The following KALRN variants were observed in gnomAD, a reference collection of about 807,000 sequenced individuals.
KALRN encodes the protein kalirin.
A neutral mutation model predicts 353.7 loss-of-function variants in KALRN; 70 were observed. The observed-to-expected ratio is 0.20, with a 90% CI of 0.16 to 0.24. KALRN has a LOEUF of 0.24. Among genes scored for constraint, KALRN ranks in the 10% least tolerant of loss-of-function variants. The pLI is 1.00. For synonymous variants in KALRN, 1,391 were observed against 1,434.8 expected (o/e 0.97, Z 0.69); for missense variants, 2,791 against 3,756.7 (o/e 0.74, Z 6.72).
chr3:124,654,527 T>C (rs933400017), intron 38 of KALRN, among the ~76,000 whole-genome samples: 8 of 152,176 alleles, frequency 5.3e-5, no homozygotes, highest in Non-Finnish European at 8.8e-5. Context: ...TCCAATCAGA[T>C]TGGAAGAGTT....
At chr3:124,036,125 T>A (rs1194273591) in intron 1 of KALRN, among the ~76,000 whole-genome samples, 1 of 152,222 alleles carries the variant, frequency 6.6e-6, no homozygotes, top group Non-Finnish European at 1.5e-5. Flanking sequence ...ATAAACTGTG[T>A]GTCACAGGGG....
rs1278233799 is a variant in KALRN at position 124,696,330 on chromosome 3, G to A, written c.7699+75G>A. On this transcript the variant is annotated intron_variant, in intron 54 of 59. Coordinates refer to ENST00000682506, the MANE Select transcript of KALRN (RefSeq NM_001388419.1). ...GACAGGTTCTTGCTCTGCTGCCCAG[G>A]CATGATCTCTGTTCATGGCAGCCTT... The A allele has an allele frequency of 1.4e-6, 2 of 1,434,114 alleles. 1 individual carries two copies. The highest frequency in any genetic ancestry group is 2.6e-5 in the South Asian group (2 of 77,762). 88.8% of individuals were successfully genotyped at this position (1,434,114 alleles called of 1,614,324 possible). A position where few individuals can be genotyped will look rare whatever the true frequency, so the allele number is the denominator to read the frequency against.
chr3:124,654,975 G>A (rs2083847484), intron 38 of KALRN, among the ~76,000 whole-genome samples: 1 of 152,208 alleles, frequency 6.6e-6, no homozygotes, highest in African/African-American at 2.4e-5. Flanking sequence ...AGAAGGTAGT[G>A]CTGCATTAAA....
At chr3:124,667,453 C>T (rs1441905025) in intron 47 of KALRN, among the ~76,000 whole-genome samples, 1 of 152,218 alleles carries the variant, frequency 6.6e-6, no homozygotes, top group Non-Finnish European at 1.5e-5. Flanking sequence ...ATCACTACCA[C>T]CTGGTACTAA....
chr3:124,400,008 A>G (rs2090660123), intron 13 of KALRN, among the ~76,000 whole-genome samples: 1 of 152,152 alleles, frequency 6.6e-6, no homozygotes, highest in Non-Finnish European at 1.5e-5. Context: ...GGGAAAAGCC[A>G]ACTTTCCACC....
intron 1 of KALRN, among the ~76,000 whole-genome samples, chr3:124,097,358 T>G (rs2061521873): frequency 6.6e-6 from 1 of 152,258 alleles, no homozygotes; most frequent in Admixed American, 6.5e-5. Context: ...TGATCTTTCT[T>G]AAGTGTAACA....
chr3:124,643,802 T>C (rs1302287527), intron 37 of KALRN, among the ~76,000 whole-genome samples: 2 of 152,200 alleles, frequency 1.3e-5, no homozygotes, highest in Non-Finnish European at 2.9e-5. Context: ...ATTGTGTATA[T>C]TTGAGGTTTA....
chr3:124,477,548 A>C (rs1291288452), intron 27 of KALRN, among the ~76,000 whole-genome samples: 1 of 152,226 alleles, frequency 6.6e-6, no homozygotes, highest in Admixed American at 6.5e-5. Context: ...GTACGAGGCA[A>C]ATTTGTCTCC....
intron 33 of KALRN, among the ~76,000 whole-genome samples, chr3:124,540,664 G>A (rs2068938389): frequency 6.6e-6 from 1 of 152,198 alleles, no homozygotes; most frequent in South Asian, 2.1e-4. Context: ...ACAGAGCTGG[G>A]AATCATATCC....
intron 14 of KALRN, 103 bp downstream of exon 14, chr3:124,413,768 A>T (rs1455263439): frequency 1.1e-6 from 1 of 923,252 alleles, no homozygotes; most frequent in Non-Finnish European, 1.6e-6. Context: ...TTTTATTCCT[A>T]CAGATACAAA....
chr3:124,681,161 G>A (rs943465478), intron 51 of KALRN, among the ~76,000 whole-genome samples: 1 of 152,158 alleles, frequency 6.6e-6, no homozygotes, highest in African/African-American at 2.4e-5. Flanking sequence ...CACTCTGTAG[G>A]AAGAAATGGG....
chr3:124,375,506 G>A (rs1576413967), intron 10 of KALRN, among the ~76,000 whole-genome samples: 2 of 152,178 alleles, frequency 1.3e-5, no homozygotes, highest in East Asian at 3.8e-4. Context: ...GGGCTAGGTG[G>A]GGAGAGGTCA....
At chr3:124,049,479 G>A (rs1206600362) in intron 1 of KALRN, among the ~76,000 whole-genome samples, 1 of 152,172 alleles carries the variant, frequency 6.6e-6, no homozygotes, top group Non-Finnish European at 1.5e-5. Flanking sequence ...AAAGTGAGAT[G>A]ATAGAAAGAA....
intron 16 of KALRN, among the ~76,000 whole-genome samples, chr3:124,433,574 G>A (rs1418895343): frequency 6.8e-6 from 1 of 147,116 alleles, no homozygotes; most frequent in Non-Finnish European, 1.5e-5. Context: ...CTTCAGCCTC[G>A]GTGATAGATC....
intron 37 of KALRN, among the ~76,000 whole-genome samples, chr3:124,643,742 C>A (rs1391007234): frequency 6.6e-6 from 1 of 152,178 alleles, no homozygotes; most frequent in Non-Finnish European, 1.5e-5. Context: ...CCCACTTCAG[C>A]CTCCCAAAGT....
At chr3:124,073,823 A>G (rs2060134082) in intron 1 of KALRN, among the ~76,000 whole-genome samples, 1 of 152,140 alleles carries the variant, frequency 6.6e-6, no homozygotes, top group Non-Finnish European at 1.5e-5. Flanking sequence ...GGACATAGCT[A>G]CTATAATTTA....
Position 124,697,669 on chromosome 3 carries a change from C to A in KALRN, c.7776C>A (p.Pro2592=), listed in dbSNP as rs745778157. The change falls in exon 55 of 60, where the codon CCC becomes CCA. Residue 2592 remains proline, a synonymous_variant. Coordinates refer to ENST00000682506, the MANE Select transcript of KALRN (RefSeq NM_001388419.1). ...CCGTGATTCTCCGCTGGCTGCCCCCCTCCAGCACAGGAAACTGCACTATTT... is the reference window on the plus strand; with the variant it reads ...CCGTGATTCTCCGCTGGCTGCCCCCATCCAGCACAGGAAACTGCACTATTT... ...CTSVILRWLP[P]SSTGNCTISG... is the part of the protein sequence containing the mutation. The A allele has an allele frequency of 1.2e-6, 2 of 1,605,716 alleles. No homozygotes were observed. The highest frequency in any genetic ancestry group is 1.7e-6 in the Non-Finnish European group (2 of 1,175,964).
In KALRN at chr3:124,152,528, GCTTTT is replaced by G. The variant is rs1454142562; in HGVS notation, c.74-75456_74-75452del. 1.7e-5 allele frequency: 12 copies of G among 698,360 alleles called. 1 individual carries two copies. The highest frequency in any genetic ancestry group is 1.3e-4 in the Admixed American group (6 of 45,698). 43.3% of individuals were successfully genotyped at this position (698,360 alleles called of 1,614,324 possible). A position where few individuals can be genotyped will look rare whatever the true frequency, so the allele number is the denominator to read the frequency against. On this transcript the variant is annotated intron_variant, in intron 1 of 59. Coordinates refer to ENST00000682506, the MANE Select transcript of KALRN (RefSeq NM_001388419.1). Reference sequence around the variant, plus strand: ...ATCTGCCTATATTCCTTGTTACAGTGCTTTTCTTTTTCTTTTTCTTTTTCTTTTCT... The same window carrying G: ...ATCTGCCTATATTCCTTGTTACAGTGCTTTTTCTTTTTCTTTTTCTTTTCT...
At chr3:124,076,215 A>AGAT (rs1306630357) in intron 1 of KALRN, among the ~76,000 whole-genome samples, 1 of 152,204 alleles carries the variant, frequency 6.6e-6, no homozygotes, top group African/African-American at 2.4e-5. Flanking sequence ...TGTGAGCAGG[A>AGAT]GATGCAGACC....
Sources: allele counts gnomAD v4.1 joint callset (sites outside exome capture counted in the v4.1 genomes callset), GRCh38; gene constraint gnomAD v4.1.1; transcripts MANE v1.5; gene names NCBI Gene and HGNC (gene_info 2026-07-23, HGNC 2026-07-21).